SHROOM4: variants seen among roughly 807,000 people sequenced by gnomAD.
SHROOM4 encodes the protein shroom family member 4.
In SHROOM4, 17 loss-of-function variants were observed where a neutral mutation model predicts 80.3. The observed-to-expected ratio is 0.21, with a 90% CI of 0.14 to 0.32. The LOEUF is 0.32. SHROOM4 is among the 10% of genes least tolerant of loss of function. The probability of loss-of-function intolerance (pLI) is 1.00; values close to 1 mark genes in which losing one functional copy is unlikely to be tolerated. For synonymous variants in SHROOM4, 400 were observed against 437.5 expected (o/e 0.91, Z 1.07); for missense variants, 993 against 1,140.3 (o/e 0.87, Z 1.86).
chrX:50,604,000 T>C (rs1929559904), intron 6 of SHROOM4, among the ~76,000 whole-genome samples: 1 of 111,599 alleles, frequency 9.0e-6, no homozygotes, highest in African/African-American at 3.3e-5. Flanking sequence ...AAAGGGAAAA[T>C]AGGAGAAACT....
At chrX:50,598,162 C>G in intron 8 of SHROOM4, 104 bp downstream of exon 8, 1 of 1,071,417 alleles carries the variant, frequency 9.3e-7, no homozygotes, top group Middle Eastern at 3.5e-4. Flanking sequence ...GCTTTTAATC[C>G]CATGCTCTAC....
At chrX:50,795,829 T>C (rs1341102802) in intron 1 of SHROOM4, among the ~76,000 whole-genome samples, 1 of 112,025 alleles carries the variant, frequency 8.9e-6, no homozygotes, top group African/African-American at 3.2e-5. Context: ...TCTTTCTCTA[T>C]AAAATGGGGA....
chrX:50,677,398 T>G (rs782733645), intron 2 of SHROOM4, among the ~76,000 whole-genome samples: 8 of 111,282 alleles, frequency 7.2e-5, no homozygotes, highest in Non-Finnish European at 1.5e-4. Flanking sequence ...CTAAGATATC[T>G]CAACACCGAT....
chrX:50,630,896 T>C (rs1398465528), intron 4 of SHROOM4, among the ~76,000 whole-genome samples: 1 of 111,933 alleles, frequency 8.9e-6, no homozygotes, highest in Non-Finnish European at 1.9e-5. Flanking sequence ...ATTGAATTTG[T>C]AGTTAAAAAG....
chrX:50,622,058 T>C (rs1198555719), intron 5 of SHROOM4, among the ~76,000 whole-genome samples: 2 of 112,047 alleles, frequency 1.8e-5, no homozygotes, highest in African/African-American at 6.5e-5. Context: ...CAAAACTGGG[T>C]CAATAAACAG....
At chrX:50,629,331 A>G (rs1379199009) in intron 4 of SHROOM4, among the ~76,000 whole-genome samples, 4 of 111,788 alleles carry the variant, frequency 3.6e-5, no homozygotes, top group Non-Finnish European at 7.5e-5. Flanking sequence ...CAGCTTATGG[A>G]GAGGCAGTGT....
intron 2 of SHROOM4, among the ~76,000 whole-genome samples, chrX:50,655,623 A>T (rs1932279039): frequency 9.2e-6 from 1 of 108,473 alleles, no homozygotes; most frequent in African/African-American, 3.3e-5. Flanking sequence ...TAAAGAATAA[A>T]TTCATTCTTT....
chrX:50,633,207 T>C lies in SHROOM4; in HGVS notation c.2866A>G (p.Thr956Ala), dbSNP rs1170598179. Residue 956 changes from threonine (T) to alanine (A), a missense_variant, in exon 4 of 9, where the codon ACT becomes GCT. Physicochemically the swap from Thr to Ala is moderately conservative, Grantham distance 58. Transcript: ENST00000376020. Reference sequence around the variant, plus strand: ...ACTGTCAGCTTCCTGGGTTTCCAAGTGTTGCCAGGTGCCAAGCTGCTGTCC... The same window carrying C: ...ACTGTCAGCTTCCTGGGTTTCCAAGCGTTGCCAGGTGCCAAGCTGCTGTCC... ...LEDSSLAPGNTWKPRKLTVQE... is the reference protein window; with the variant it reads ...LEDSSLAPGNAWKPRKLTVQE... The C allele has an allele frequency of 5.3e-5, 64 of 1,209,495 alleles. No individual in the cohort carries two copies. The highest frequency in any genetic ancestry group is 7.0e-5 in the Non-Finnish European group (63 of 895,080).
At chrX:50,696,150 C>CT (rs1933363513) in intron 1 of SHROOM4, among the ~76,000 whole-genome samples, 1 of 111,583 alleles carries the variant, frequency 9.0e-6, no homozygotes, top group Non-Finnish European at 1.9e-5. Context: ...GGAAATAATG[C>CT]AATCCCTGAC....
intron 1 of SHROOM4, among the ~76,000 whole-genome samples, chrX:50,709,519 G>A (rs938927044): frequency 1.8e-5 from 2 of 111,951 alleles, no homozygotes; most frequent in African/African-American, 6.5e-5. Context: ...ATGTGGTTGG[G>A]GGCCTAGATT....
In SHROOM4 at chrX:50,771,413, C is replaced by G. The variant is rs181471149; in HGVS notation, c.117+42489G>C. On this transcript the variant is annotated intron_variant, in intron 1 of 8. Coordinates refer to ENST00000376020, the MANE Select transcript of SHROOM4 (RefSeq NM_020717.5). Reference sequence around the variant, plus strand: ...TAATTTCAAGATTGCAAGAACCTTTCTTCATTTTGGCAGTTTGGGAGAGGG... The same window carrying G: ...TAATTTCAAGATTGCAAGAACCTTTGTTCATTTTGGCAGTTTGGGAGAGGG... Among the ~76,000 whole-genome samples the G allele has an allele frequency of 7.1e-4, 80 of 112,504 alleles. No individual in the cohort carries two copies. The Middle Eastern group carries it at 0.028, about 39-fold the overall frequency.
intron 1 of SHROOM4, among the ~76,000 whole-genome samples, chrX:50,790,689 T>C (rs181333942): frequency 8.9e-6 from 1 of 111,768 alleles, no homozygotes; most frequent in Admixed American, 9.5e-5. Context: ...GAATAAGGGA[T>C]AAAAAGCACA....
chrX:50,681,564 T>A (rs1932941316), intron 2 of SHROOM4, among the ~76,000 whole-genome samples: 1 of 112,135 alleles, frequency 8.9e-6, no homozygotes. Context: ...TTCATAGTGG[T>A]CTTCCCTGAA....
At chrX:50,596,985 G>A in intron 8 of SHROOM4, 21 bp from the exon 9 acceptor site, 1 of 1,204,919 alleles carries the variant, frequency 8.3e-7, no homozygotes, top group South Asian at 1.8e-5. Context: ...AGAGGACCAA[G>A]TAAGGGCTCT....
intron 5 of SHROOM4, among the ~76,000 whole-genome samples, chrX:50,623,474 C>T (rs374392211): frequency 8.9e-6 from 1 of 111,773 alleles, no homozygotes; most frequent in East Asian, 2.8e-4. Flanking sequence ...AGGTGTGAGC[C>T]ACCGCGCCGG....
chrX:50,785,545 T>C (rs1935721815), intron 1 of SHROOM4, among the ~76,000 whole-genome samples: 1 of 111,907 alleles, frequency 8.9e-6, no homozygotes, highest in Admixed American at 9.5e-5. Context: ...GATATAAGTA[T>C]AATTATGCTG....
intron 2 of SHROOM4, among the ~76,000 whole-genome samples, chrX:50,664,113 C>A (rs1189281847): frequency 8.9e-6 from 1 of 111,755 alleles, no homozygotes; most frequent in Non-Finnish European, 1.9e-5. Flanking sequence ...CTTGAAGTAC[C>A]TATTTAATTC....
rs1395836419 is a variant in SHROOM4, at chrX:50,625,773, A to AT, written c.2957+1840dup. Among the ~76,000 whole-genome samples, 3 of 111,441 alleles carry AT rather than the reference A, an allele frequency of 2.7e-5. No individual in the cohort carries two copies. The Admixed American group carries it at 2.8e-4, about 11-fold the overall frequency. ...AGTTGCCTAAAGGGCCACATTTATC[A>AT]TATCACTTACCTGATGGTAACCTTT... On this transcript the variant is annotated intron_variant, in intron 5 of 8. Coordinates refer to ENST00000376020, the MANE Select transcript of SHROOM4 (RefSeq NM_020717.5).
chrX:50,615,542 T>C (rs1174292814), intron 5 of SHROOM4, among the ~76,000 whole-genome samples: 1 of 112,141 alleles, frequency 8.9e-6, no homozygotes, highest in Non-Finnish European at 1.9e-5. Flanking sequence ...TGAAGGCACA[T>C]GTCAAGTTCA....
Sources: gnomAD v4.1 joint callset for allele counts (sites outside exome capture counted in the v4.1 genomes callset) on GRCh38, gnomAD v4.1.1 for gene constraint, MANE v1.5 for transcripts, NCBI Gene and HGNC (gene_info 2026-07-23, HGNC 2026-07-21) for gene names.